The following MAP3K13 variants were observed in gnomAD, a reference collection of about 807,000 sequenced individuals.
MAP3K13 encodes the protein mitogen-activated protein kinase kinase kinase 13.
Under a neutral mutation model 104.0 loss-of-function variants are expected in MAP3K13, and 52 were observed. The observed-to-expected ratio is 0.50, with a 90% CI of 0.40 to 0.63. The LOEUF (loss-of-function observed/expected upper bound fraction) is 0.63, where lower values mean the gene tolerates loss of function less well. Ranked by LOEUF, MAP3K13 falls within the 20% of genes least tolerant of loss-of-function variation. The pLI, the probability that MAP3K13 is intolerant of heterozygous loss-of-function variation, is 0.00. For missense variants in MAP3K13, 914 were observed against 1,218.5 expected, an observed-to-expected ratio of 0.75 and a Z score of 3.72; for synonymous variants, 394 against 442.2, an observed-to-expected ratio of 0.89 and a Z score of 1.37.
At chr3:185,432,889 A>G (rs546880034) in intron 2 of MAP3K13, among the ~76,000 whole-genome samples, 65 of 152,322 alleles carry the variant, frequency 4.3e-4, no homozygotes, top group African/African-American at 1.5e-3. Flanking sequence ...AGGATATCCT[A>G]CTGAGGGCTG....
At chr3:185,352,891 A>C (rs1418056636) in intron 2 of MAP3K13, among the ~76,000 whole-genome samples, 3 of 152,248 alleles carry the variant, frequency 2.0e-5, no homozygotes, top group African/African-American at 7.2e-5. Context: ...TAAAAGTTTA[A>C]AAATACAATA....
At chr3:185,437,770 AG>A (rs1715122845) in intron 3 of MAP3K13, 140 bp downstream of exon 3, 2 of 787,978 alleles carry the variant, frequency 2.5e-6, no homozygotes, top group African/African-American at 3.5e-5. Flanking sequence ...GAGGGTATCA[AG>A]GAACTATTAA....
At chr3:185,301,795 T>G (rs1721118897) in intron 2 of MAP3K13, among the ~76,000 whole-genome samples, 1 of 152,202 alleles carries the variant, frequency 6.6e-6, no homozygotes, top group Admixed American at 6.5e-5. Flanking sequence ...ACATGAGGGT[T>G]CATTTTGGGG....
At chr3:185,382,454 A>T (rs1258630080) in intron 1 of MAP3K13, among the ~76,000 whole-genome samples, 1 of 152,186 alleles carries the variant, frequency 6.6e-6, no homozygotes, top group African/African-American at 2.4e-5. Context: ...CAGGAGAAAA[A>T]TTGTCAAGTA....
chr3:185,481,501 T>A (rs1276972104), intron 13 of MAP3K13, among the ~76,000 whole-genome samples: 7 of 141,124 alleles, frequency 5.0e-5, no homozygotes, highest in Non-Finnish European at 7.8e-5. Flanking sequence ...AAAAAAAAAA[T>A]TATTTTAAAG....
At chr3:185,433,556 A>C (rs116794128) in intron 2 of MAP3K13, among the ~76,000 whole-genome samples, 364 of 152,350 alleles carry the variant, frequency 2.4e-3, no homozygotes, top group African/African-American at 8.4e-3. Context: ...AGACTGGTCA[A>C]AGAGTGCTAA....
At chr3:185,397,972 C>G (rs981093369) in intron 1 of MAP3K13, among the ~76,000 whole-genome samples, 19 of 152,146 alleles carry the variant, frequency 1.2e-4, no homozygotes, top group African/African-American at 4.6e-4. Flanking sequence ...GGCAACCTTT[C>G]TGTCTTGTGA....
intron 2 of MAP3K13, among the ~76,000 whole-genome samples, chr3:185,436,725 C>T (rs940549422): frequency 4.0e-5 from 6 of 151,848 alleles, no homozygotes; most frequent in East Asian, 1.9e-4. Context: ...ATTAGCAGCC[C>T]GGCGCAGTGG....
At chr3:185,405,075 G>A (rs1713037057) in intron 1 of MAP3K13, among the ~76,000 whole-genome samples, 1 of 152,062 alleles carries the variant, frequency 6.6e-6, no homozygotes, top group Admixed American at 6.6e-5. Context: ...TATTTCTTGT[G>A]TCATGCCTTT....
intron 1 of MAP3K13, among the ~76,000 whole-genome samples, chr3:185,370,723 A>C (rs1401922851): frequency 4.8e-5 from 6 of 125,284 alleles, no homozygotes; most frequent in Non-Finnish European, 7.9e-5. Context: ...AATTGTCTTG[A>C]CCATTGTTCT....
chr3:185,443,577 A>G lies in MAP3K13; in HGVS notation c.792A>G (p.Ala264=). 1 of 1,614,116 alleles carries G rather than the reference A, an allele frequency of 6.2e-7. No homozygotes were observed. The highest frequency in any genetic ancestry group is 8.5e-7 in the Non-Finnish European group (1 of 1,179,966). The change falls in exon 4 of 14, where the codon GCA becomes GCG. Residue 264 remains alanine, a synonymous_variant. Transcript: ENST00000265026. Reference sequence around the variant, plus strand: ...TAGTAGACTGGTCCACAGGAATTGCAAGTGGAATGAATTATTTGCACCTCC... The same window carrying G: ...TAGTAGACTGGTCCACAGGAATTGCGAGTGGAATGAATTATTTGCACCTCC... ...RLLVDWSTGI[A]SGMNYLHLHK...
chr3:185,437,372 G>T, intron 2 of MAP3K13, 75 bp from the exon 3 acceptor site: 1 of 1,318,516 alleles, frequency 7.6e-7, no homozygotes, highest in Non-Finnish European at 1.1e-6. Flanking sequence ...CGATGAAGTT[G>T]GTACCTTCAG....
At chr3:185,462,141 C>T (rs867769291) in intron 7 of MAP3K13, among the ~76,000 whole-genome samples, 2 of 152,272 alleles carry the variant, frequency 1.3e-5, no homozygotes, top group African/African-American at 4.8e-5. Flanking sequence ...AATTATGTCT[C>T]ACTGGCTTCT....
At chr3:185,304,861 T>C (rs1449125623) in intron 2 of MAP3K13, among the ~76,000 whole-genome samples, 2 of 152,192 alleles carry the variant, frequency 1.3e-5, no homozygotes, top group Non-Finnish European at 2.9e-5. Context: ...CTCAATCTCT[T>C]GACTTTGTGA....
intron 11 of MAP3K13, among the ~76,000 whole-genome samples, chr3:185,476,111 G>A (rs1329274355): frequency 1.3e-5 from 2 of 151,976 alleles, no homozygotes; most frequent in Non-Finnish European, 1.5e-5. Flanking sequence ...ACACCCTTTA[G>A]CAGTCACCAC....
chr3:185,328,408 C>G (rs533492295), intron 2 of MAP3K13, among the ~76,000 whole-genome samples: 5 of 152,202 alleles, frequency 3.3e-5, no homozygotes, highest in African/African-American at 7.2e-5. Flanking sequence ...CACCACCACA[C>G]CCAGCTAATT....
At chr3:185,390,866 C>T (rs1712008510) in intron 1 of MAP3K13, among the ~76,000 whole-genome samples, 1 of 152,046 alleles carries the variant, frequency 6.6e-6, no homozygotes, top group Admixed American at 6.6e-5. Flanking sequence ...CATGATCGGC[C>T]TGCCTCGGCC....
chr3:185,477,521 C>CA (rs1718200543), intron 12 of MAP3K13, 125 bp downstream of exon 12: 1 of 691,428 alleles, frequency 1.4e-6, no homozygotes, highest in African/African-American at 1.8e-5. Context: ...ACTTTGAACT[C>CA]ACTGTGTTCA....
At chr3:185,337,943 A>G (rs1722572499) in intron 2 of MAP3K13, among the ~76,000 whole-genome samples, 1 of 152,200 alleles carries the variant, frequency 6.6e-6, no homozygotes. Flanking sequence ...AGGAAAGACC[A>G]TAAAAAGTCA....
Sources: gnomAD v4.1 joint callset for allele counts (sites outside exome capture counted in the v4.1 genomes callset) on GRCh38, gnomAD v4.1.1 for gene constraint, MANE v1.5 for transcripts, NCBI Gene and HGNC (gene_info 2026-07-23, HGNC 2026-07-21) for gene names.